The following COL5A2 variants were observed in gnomAD, a reference collection of about 807,000 sequenced individuals.
COL5A2 encodes the protein collagen alpha-2(V) chain.
Under a neutral mutation model 208.2 loss-of-function variants are expected in COL5A2, and 23 were observed. The observed-to-expected ratio is 0.11, with a 90% CI of 0.08 to 0.16. COL5A2 has a LOEUF of 0.16. Among genes scored for constraint, COL5A2 ranks in the 10% least tolerant of loss-of-function variants. The pLI, the probability that COL5A2 is intolerant of heterozygous loss-of-function variation, is 1.00. For missense variants in COL5A2, 1,590 were observed against 1,956.4 expected (o/e 0.81, Z 3.53); for synonymous variants, 625 against 628.5 (o/e 0.99, Z 0.08).
At chr2:189,299,208 A>G in the COL5A2 span, among the ~76,000 whole-genome samples, 1 of 152,230 alleles carries the variant, frequency 6.6e-6, no homozygotes, top group Non-Finnish European at 1.5e-5. Flanking sequence ...GCTGGCTTTA[A>G]GCTAAAGTTT....
chr2:189,347,670 T>C, the COL5A2 span, among the ~76,000 whole-genome samples: 1 of 152,288 alleles, frequency 6.6e-6, no homozygotes, highest in Middle Eastern at 3.4e-3. Flanking sequence ...AGGGCCAGTC[T>C]TGACATTTGC....
the COL5A2 span, among the ~76,000 whole-genome samples, chr2:189,292,848 C>T: frequency 6.6e-6 from 1 of 152,098 alleles, no homozygotes; most frequent in Non-Finnish European, 1.5e-5. Context: ...AGACTTGGAA[C>T]CAACCCAAAT....
the COL5A2 span, among the ~76,000 whole-genome samples, chr2:189,384,211 T>C: frequency 6.6e-6 from 1 of 152,184 alleles, no homozygotes; most frequent in African/African-American, 2.4e-5. Flanking sequence ...AGTGCTATAA[T>C]AAACATGAGA....
At chr2:189,416,417 T>C in the COL5A2 span, among the ~76,000 whole-genome samples, 1 of 152,312 alleles carries the variant, frequency 6.6e-6, no homozygotes, top group East Asian at 1.9e-4. Context: ...TGTAGGGACA[T>C]GGATGAAGCT....
At chr2:189,122,457 T>C (rs1687523647) in intron 1 of COL5A2, among the ~76,000 whole-genome samples, 1 of 152,026 alleles carries the variant, frequency 6.6e-6, no homozygotes, top group African/African-American at 2.4e-5. Context: ...ATGGTTTAAT[T>C]TATCAAAAAA....
intron 2 of COL5A2, among the ~76,000 whole-genome samples, chr2:189,105,978 TC>T (rs1406569507): frequency 6.6e-6 from 1 of 151,442 alleles, no homozygotes; most frequent in Non-Finnish European, 1.5e-5. Context: ...TGGATCTACT[TC>T]AAGATTTTAT....
chr2:189,235,986 T>C, the COL5A2 span, among the ~76,000 whole-genome samples: 2 of 151,046 alleles, frequency 1.3e-5, no homozygotes, highest in Non-Finnish European at 3.0e-5. Flanking sequence ...AGGCTGCATA[T>C]TTGTCCATCC....
At chr2:189,242,839 G>A in the COL5A2 span, among the ~76,000 whole-genome samples, 33 of 152,314 alleles carry the variant, frequency 2.2e-4, no homozygotes, top group African/African-American at 7.7e-4. Context: ...TGGGAAAGCT[G>A]ACTACAGATC....
chr2:189,073,457 G>T (rs1686330355), intron 17 of COL5A2, among the ~76,000 whole-genome samples: 1 of 152,064 alleles, frequency 6.6e-6, no homozygotes, highest in Admixed American at 6.5e-5. Context: ...ATGACCCTGT[G>T]AAATCATCTG....
chr2:189,334,789 C>CA, the COL5A2 span, among the ~76,000 whole-genome samples: 9 of 151,508 alleles, frequency 5.9e-5, no homozygotes, highest in South Asian at 1.7e-3. Context: ...TAAAAGAGAA[C>CA]AAAAAAAATG....
At chr2:189,183,138 G>C (rs915385796), upstream of COL5A2, among the ~76,000 whole-genome samples, 5 of 152,046 alleles carry the variant, frequency 3.3e-5, no homozygotes, top group Non-Finnish European at 7.4e-5. Context: ...TAGCACTCTA[G>C]TTTAGATTGC....
chr2:189,400,192 T>C, the COL5A2 span, among the ~76,000 whole-genome samples: 2 of 152,230 alleles, frequency 1.3e-5, no homozygotes, highest in South Asian at 4.1e-4. Context: ...CTCTGAGTCC[T>C]TTGCACTTCT....
chr2:189,327,072 AAATAAT>A, the COL5A2 span, among the ~76,000 whole-genome samples: 6 of 148,224 alleles, frequency 4.0e-5, no homozygotes, highest in African/African-American at 7.5e-5. Context: ...TTCTGTCTCG[AAATAAT>A]AATAATAATA....
chr2:189,065,967 CAT>C (rs1268241235), intron 23 of COL5A2, among the ~76,000 whole-genome samples: 2 of 152,214 alleles, frequency 1.3e-5, no homozygotes, highest in Admixed American at 6.5e-5. Flanking sequence ...ACAACACTGA[CAT>C]ATATGTGTAG....
intron 1 of COL5A2, among the ~76,000 whole-genome samples, chr2:189,201,159 T>A (rs1282946172): frequency 6.6e-6 from 1 of 151,994 alleles, no homozygotes; most frequent in East Asian, 1.9e-4. Flanking sequence ...GTTAATTATA[T>A]GATAAAGGTA....
chr2:189,037,425 A>C (rs531476725), intron 51 of COL5A2, among the ~76,000 whole-genome samples: 1 of 152,330 alleles, frequency 6.6e-6, no homozygotes, highest in African/African-American at 2.4e-5. Flanking sequence ...TATATTATAT[A>C]AATAGTATGT....
chr2:189,084,546 T>C (rs887357589), intron 11 of COL5A2, among the ~76,000 whole-genome samples: 15 of 152,320 alleles, frequency 9.8e-5, no homozygotes, highest in African/African-American at 3.6e-4. Context: ...TATTTATTAA[T>C]ACTTGGTTTA....
chr2:189,192,784 G>GT (rs1475827678), intron 1 of COL5A2, among the ~76,000 whole-genome samples: 1 of 152,178 alleles, frequency 6.6e-6, no homozygotes, highest in Admixed American at 6.5e-5. Context: ...AATTGCCATT[G>GT]TAACAGTATT....
the COL5A2 span, among the ~76,000 whole-genome samples, chr2:189,269,235 A>G: frequency 6.6e-6 from 1 of 152,100 alleles, no homozygotes; most frequent in African/African-American, 2.4e-5. Context: ...TCTTCTCCAG[A>G]CTGAATAGTC....
Sources: gnomAD v4.1 joint callset for allele counts (sites outside exome capture counted in the v4.1 genomes callset) on GRCh38, gnomAD v4.1.1 for gene constraint, MANE v1.5 for transcripts, NCBI Gene and HGNC (gene_info 2026-07-23, HGNC 2026-07-21) for gene names.